The following GALNT17 variants were observed in gnomAD, a reference collection of about 807,000 sequenced individuals.
GALNT17 encodes the protein UDP-GalNAc:polypeptide N-acetylgalactosaminyltransferase-like 3.
Under a neutral mutation model 63.7 loss-of-function variants are expected in GALNT17, and 29 were observed. The ratio of observed to expected loss-of-function variants is 0.46; its 90% CI spans 0.34 to 0.62. The LOEUF (loss-of-function observed/expected upper bound fraction) is 0.62. Among genes scored for constraint, GALNT17 ranks in the 20% least tolerant of loss-of-function variants. The pLI, the probability that GALNT17 is intolerant of heterozygous loss-of-function variation, is 0.01. For synonymous variants in GALNT17, 305 were observed against 318.3 expected, an observed-to-expected ratio of 0.96 and a Z score of 0.45; for missense variants, 603 against 799.6, an observed-to-expected ratio of 0.75 and a Z score of 2.97.
intron 6 of GALNT17, among the ~76,000 whole-genome samples, chr7:71,586,022 T>C (rs1232268753): frequency 6.6e-6 from 1 of 151,912 alleles, no homozygotes; most frequent in African/African-American, 2.4e-5. Context: ...GCAATTCTGC[T>C]TCAGCCTACC....
At chr7:71,342,270 T>C (rs991461942) in intron 2 of GALNT17, among the ~76,000 whole-genome samples, 1 of 152,098 alleles carries the variant, frequency 6.6e-6, no homozygotes, top group East Asian at 1.9e-4. Context: ...GCCTGTCACA[T>C]GGCAAGAGTG....
chr7:71,605,301 G>C (rs1249817048), intron 6 of GALNT17, among the ~76,000 whole-genome samples: 1 of 152,066 alleles, frequency 6.6e-6, no homozygotes, highest in Non-Finnish European at 1.5e-5. Context: ...TCCAGGCATA[G>C]AACTGGCCAA....
intron 5 of GALNT17, among the ~76,000 whole-genome samples, chr7:71,466,664 C>G (rs1787541121): frequency 6.6e-6 from 1 of 152,096 alleles, no homozygotes; most frequent in Non-Finnish European, 1.5e-5. Context: ...GAGGCTTCAT[C>G]TACATAACAA....
At chr7:71,487,879 GT>G (rs1787938890) in intron 5 of GALNT17, among the ~76,000 whole-genome samples, 1 of 152,080 alleles carries the variant, frequency 6.6e-6, no homozygotes, top group Non-Finnish European at 1.5e-5. Flanking sequence ...CAAGATCCCA[GT>G]TTTGGAGCCG....
chr7:71,317,583 A>G (rs1013237517), intron 1 of GALNT17, among the ~76,000 whole-genome samples: 7 of 152,140 alleles, frequency 4.6e-5, no homozygotes, highest in African/African-American at 1.7e-4. Context: ...TGGGGGGATC[A>G]TGGCTGAGTG....
chr7:71,608,455 A>C (rs11983547), intron 6 of GALNT17, among the ~76,000 whole-genome samples: 18,081 of 152,156 alleles, frequency 0.12, 1,698 homozygotes, highest in African/African-American at 0.27. Flanking sequence ...AACCTTAGTA[A>C]AAACCAAAAT....
chr7:71,201,717 C>T (rs1001905761), intron 1 of GALNT17, among the ~76,000 whole-genome samples: 13 of 151,748 alleles, frequency 8.6e-5, no homozygotes, highest in Admixed American at 6.6e-4. Flanking sequence ...CTGCAACCTC[C>T]GCCTCCCGGG....
intron 6 of GALNT17, among the ~76,000 whole-genome samples, chr7:71,578,321 C>T (rs1416556478): frequency 6.6e-6 from 1 of 152,038 alleles, no homozygotes; most frequent in Non-Finnish European, 1.5e-5. Context: ...CAGGCATGAG[C>T]CATCACACCC....
chr7:71,166,103 C>T (rs17592068), intron 1 of GALNT17, among the ~76,000 whole-genome samples: 7,348 of 152,288 alleles, frequency 0.048, 256 homozygotes, highest in Non-Finnish European at 0.072. Context: ...GTGACTTCAT[C>T]GTTCAAATGC....
At chr7:71,268,588 TAA>T (rs1491387513) in intron 1 of GALNT17, among the ~76,000 whole-genome samples, 3 of 104,530 alleles carry the variant, frequency 2.9e-5, no homozygotes, top group African/African-American at 8.7e-5. Flanking sequence ...AATAAATAAA[TAA>T]ATATTAAAAA....
At chr7:71,244,451 C>G (rs73367964) in intron 1 of GALNT17, among the ~76,000 whole-genome samples, 4,264 of 152,224 alleles carry the variant, frequency 0.028, 201 homozygotes, top group African/African-American at 0.097. Flanking sequence ...TGGAGACACA[C>G]AGATCTGAGT....
chr7:71,301,184 G>C (rs1208639101), intron 1 of GALNT17, among the ~76,000 whole-genome samples: 2 of 151,788 alleles, frequency 1.3e-5, no homozygotes, highest in Admixed American at 1.3e-4. Context: ...CTACTCGGGA[G>C]GCTGAGGTGG....
rs541301580 is a variant in GALNT17, at chr7:71,273,854, TGAGA to T, written c.239-61675_239-61672del. Among the ~76,000 whole-genome samples, 956 of 151,412 alleles carry T rather than the reference TGAGA, an allele frequency of 6.3e-3. 5 individuals carry two copies. The highest frequency in any genetic ancestry group is 0.014 in the South Asian group (67 of 4,812). On this transcript the variant is annotated intron_variant, in intron 1 of 10. Transcript: ENST00000333538. ...TAATGAGATAATGTGTGTGTGTGTG[TGAGA>T]GAGAGAGAGAGAGAGAGAGAATGAG...
At chr7:71,162,436 T>C (rs77016591) in intron 1 of GALNT17, among the ~76,000 whole-genome samples, 1,650 of 120,746 alleles carry the variant, frequency 0.014, 18 homozygotes, top group African/African-American at 0.048. Context: ...ATCCATCCAT[T>C]CATCCATCCA....
At chr7:71,407,783 C>A (rs987702984) in intron 3 of GALNT17, among the ~76,000 whole-genome samples, 1 of 152,078 alleles carries the variant, frequency 6.6e-6, no homozygotes, top group Non-Finnish European at 1.5e-5. Context: ...ATAAAATCAC[C>A]TCTTCTGCAC....
chr7:71,183,877 C>G (rs978954473), intron 1 of GALNT17, among the ~76,000 whole-genome samples: 1 of 151,544 alleles, frequency 6.6e-6, no homozygotes, highest in African/African-American at 2.4e-5. Context: ...GCAACAAGAG[C>G]AAGACTCCAT....
rs1210242680 is a variant in GALNT17, at chr7:71,141,868, G to GTGTT, written c.238+8831_238+8832insTTGT. On this transcript the variant is annotated intron_variant, in intron 1 of 10. Transcript: ENST00000333538. ...TGTGTGTGTGTGTGTGTGTGTGTGT[G>GTGTT]TGTGTGTGTGTATGTGTGTATTTTT... is the stretch of plus-strand genomic sequence containing the variant. 3.3e-5 allele frequency among the ~76,000 whole-genome samples: 5 copies of GTGTT among 150,298 alleles called. No individual in the cohort carries two copies. The East Asian group carries it at 9.9e-4, about 30-fold the overall frequency.
intron 2 of GALNT17, among the ~76,000 whole-genome samples, chr7:71,346,124 C>A (rs974885748): frequency 4.0e-5 from 6 of 151,466 alleles, no homozygotes; most frequent in Non-Finnish European, 7.4e-5. Flanking sequence ...GTCCAGAGTC[C>A]AAGGCTACAG....
chr7:71,238,131 A>G (rs1481540124), intron 1 of GALNT17, among the ~76,000 whole-genome samples: 1 of 152,208 alleles, frequency 6.6e-6, no homozygotes, highest in Non-Finnish European at 1.5e-5. Context: ...CCTGTGGCAC[A>G]GAGCACATTC....
Sources: allele counts gnomAD v4.1 joint callset (sites outside exome capture counted in the v4.1 genomes callset), GRCh38; gene constraint gnomAD v4.1.1; transcripts MANE v1.5; gene names NCBI Gene and HGNC (gene_info 2026-07-23, HGNC 2026-07-21).